Variants in PPFIA2 observed in about 807,000 individuals in gnomAD.
PPFIA2 encodes the protein PPFI scaffold protein A2.
In PPFIA2, 46 loss-of-function variants were observed where a neutral mutation model predicts 175.5. That is an observed-to-expected ratio of 0.26 (90% CI 0.21 to 0.34). The LOEUF (loss-of-function observed/expected upper bound fraction) is 0.34, where lower values mean the gene tolerates loss of function less well. Ranked by LOEUF, PPFIA2 falls within the 10% of genes least tolerant of loss-of-function variation. PPFIA2 has a pLI of 1.00. For synonymous variants in PPFIA2, 568 were observed against 511.4 expected (o/e 1.11, Z -1.49); for missense variants, 1,179 against 1,506.1 (o/e 0.78, Z 3.60).
chr12:81,323,414 T>A (rs570627540), intron 22 of PPFIA2, among the ~76,000 whole-genome samples: 2 of 152,218 alleles, frequency 1.3e-5, no homozygotes, highest in Admixed American at 1.3e-4. Context: ...CTCAACATTA[T>A]GAAAAATGTT....
chr12:81,607,130 A>G (rs751331361), intron 4 of PPFIA2, among the ~76,000 whole-genome samples: 16 of 151,862 alleles, frequency 1.1e-4, no homozygotes, highest in Non-Finnish European at 2.2e-4. Context: ...TGTAGGTGGT[A>G]TCTTTATTTC....
At chr12:81,644,913 A>G (rs1026323213) in intron 4 of PPFIA2, among the ~76,000 whole-genome samples, 1 of 152,116 alleles carries the variant, frequency 6.6e-6, no homozygotes, top group Non-Finnish European at 1.5e-5. Context: ...TAGCAATTTC[A>G]GTTATTAAGA....
rs2069422465 is a variant in PPFIA2 at position 81,559,081 on chromosome 12, T to C, written c.304-101215A>G. 1.3e-5 allele frequency among the ~76,000 whole-genome samples: 2 copies of C among 152,204 alleles called. 1 individual carries two copies. The highest frequency in any genetic ancestry group is 4.1e-4 in the South Asian group (2 of 4,830). On this transcript the variant is annotated intron_variant, in intron 4 of 32. Coordinates refer to ENST00000549396, the MANE Select transcript of PPFIA2 (RefSeq NM_003625.5). ...TGAACCATTTGAAAAAGACATACTT[T>C]GTGCAATAGCTGAAACAATTTTAAA...
intron 4 of PPFIA2, among the ~76,000 whole-genome samples, chr12:81,557,371 G>A (rs2069083017): frequency 6.6e-6 from 1 of 151,802 alleles, no homozygotes; most frequent in African/African-American, 2.4e-5. Context: ...CCAAATCCCA[G>A]TTTCTGATAG....
intron 6 of PPFIA2, 40 bp from the exon 7 acceptor site, chr12:81,440,086 C>A (rs1394886546): frequency 7.1e-7 from 1 of 1,401,928 alleles, no homozygotes; most frequent in Non-Finnish European, 9.8e-7. Flanking sequence ...ATGTACATCC[C>A]ATACATATTA....
At chr12:81,422,080 A>C (rs1292825849) in intron 7 of PPFIA2, among the ~76,000 whole-genome samples, 1 of 141,720 alleles carries the variant, frequency 7.1e-6, no homozygotes, top group Non-Finnish European at 1.5e-5. Context: ...GTGTGTGTAT[A>C]TATATGTGTA....
In PPFIA2 at chr12:81,327,744, G is replaced by GA. The variant is rs557108907; in HGVS notation, c.2549-1875dup. On this transcript the variant is annotated intron_variant, in intron 21 of 32. Transcript: ENST00000549396. ...TATTCATATACCCAAAATTTTAATA[G>GA]AAAAAAATCACATTTTTAAATAATA... is the stretch of plus-strand genomic sequence containing the variant. Among the ~76,000 whole-genome samples the GA allele has an allele frequency of 2.5e-3, 379 of 151,626 alleles. 1 individual carries two copies. The highest frequency in any genetic ancestry group is 4.8e-3 in the Non-Finnish European group (327 of 67,818).
chr12:81,594,502 G>A (rs763571479), intron 4 of PPFIA2, among the ~76,000 whole-genome samples: 4 of 152,072 alleles, frequency 2.6e-5, no homozygotes, highest in Admixed American at 6.6e-5. Context: ...AATGGGTTGC[G>A]AACTTCGTTT....
At chr12:81,311,732 C>CAA (rs1050904857) in intron 22 of PPFIA2, among the ~76,000 whole-genome samples, 5 of 48,288 alleles carry the variant, frequency 1.0e-4, no homozygotes, top group South Asian at 7.7e-4. Context: ...GACTCTGTCT[C>CAA]AAAAAAAAAA....
intron 4 of PPFIA2, among the ~76,000 whole-genome samples, chr12:81,619,986 C>T (rs560493333): frequency 2.0e-5 from 3 of 151,716 alleles, no homozygotes; most frequent in African/African-American, 2.4e-5. Context: ...AGTGAAACCC[C>T]GTCTCTACTG....
At chr12:81,502,781 T>C (rs527718561) in intron 4 of PPFIA2, among the ~76,000 whole-genome samples, 1 of 152,320 alleles carries the variant, frequency 6.6e-6, no homozygotes, top group African/African-American at 2.4e-5. Context: ...AACACACTAT[T>C]GATAATTTCT....
At chr12:81,387,757 T>C (rs565064950) in intron 8 of PPFIA2, among the ~76,000 whole-genome samples, 148 of 152,264 alleles carry the variant, frequency 9.7e-4, no homozygotes, top group African/African-American at 3.5e-3. Flanking sequence ...TGGAAATAAC[T>C]GACTGGCAAT....
intron 4 of PPFIA2, among the ~76,000 whole-genome samples, chr12:81,539,435 T>C (rs919174636): frequency 6.6e-6 from 1 of 151,844 alleles, no homozygotes; most frequent in Admixed American, 6.6e-5. Flanking sequence ...AAGCTAGCAA[T>C]GAAATTTGAG....
intron 4 of PPFIA2, among the ~76,000 whole-genome samples, chr12:81,469,983 G>T (rs2056444422): frequency 6.6e-6 from 1 of 152,196 alleles, no homozygotes; most frequent in East Asian, 1.9e-4. Flanking sequence ...CATCCATGCT[G>T]AAACTCTGAT....
chr12:81,563,323 G>A (rs2070596119), intron 4 of PPFIA2, among the ~76,000 whole-genome samples: 2 of 151,934 alleles, frequency 1.3e-5, no homozygotes, highest in Non-Finnish European at 2.9e-5. Context: ...TTACTAACAC[G>A]TGCTTTTCAT....
At chr12:81,629,420 T>C (rs1258454921) in intron 4 of PPFIA2, among the ~76,000 whole-genome samples, 1 of 152,046 alleles carries the variant, frequency 6.6e-6, no homozygotes, top group African/African-American at 2.4e-5. Context: ...TTTTTTGGGG[T>C]TGGGGGAGGG....
chr12:81,743,076 T>C (rs1393472921), intron 3 of PPFIA2, among the ~76,000 whole-genome samples: 1 of 151,932 alleles, frequency 6.6e-6, no homozygotes, highest in African/African-American at 2.4e-5. Context: ...CAGGAGTTGA[T>C]TCAAGAGAAA....
chr12:81,694,929 A>C (rs115286152), intron 3 of PPFIA2, among the ~76,000 whole-genome samples: 2,309 of 152,288 alleles, frequency 0.015, 29 homozygotes, highest in South Asian at 0.042. Flanking sequence ...GGAGCTTTAA[A>C]ATTTAATGAC....
rs1285532579 is a variant in PPFIA2, at chr12:81,379,240, A to T, written c.985-3298T>A. ...AAGAGGAAGCTTTTTCTAGTCCCTA[A>T]AACTTGCTACCTACAAAAAAAATGA... is the stretch of plus-strand genomic sequence containing the variant. On this transcript the variant is annotated intron_variant, in intron 9 of 32. Coordinates refer to ENST00000549396, the MANE Select transcript of PPFIA2 (RefSeq NM_003625.5). Among the ~76,000 whole-genome samples, 6 of 152,112 alleles carry T rather than the reference A, an allele frequency of 3.9e-5. No individual in the cohort carries two copies. The East Asian group carries it at 1.2e-3, about 29-fold the overall frequency.
Sources: gnomAD v4.1 joint callset for allele counts (sites outside exome capture counted in the v4.1 genomes callset) on GRCh38, gnomAD v4.1.1 for gene constraint, MANE v1.5 for transcripts, NCBI Gene and HGNC (gene_info 2026-07-23, HGNC 2026-07-21) for gene names.